TSC22D3: variants seen among roughly 807,000 people sequenced by gnomAD.
TSC22D3 encodes TSC22 domain family protein 3.
In TSC22D3, 4 loss-of-function variants were observed where a neutral mutation model predicts 11.1. The observed-to-expected ratio is 0.36, with a 90% CI of 0.18 to 0.83. The LOEUF is 0.83. Ranked by LOEUF, TSC22D3 falls within the 40% of genes least tolerant of loss-of-function variation. TSC22D3 has a pLI of 0.48. For synonymous variants in TSC22D3, 77 were observed against 70.3 expected (o/e 1.10, Z -0.48); for missense variants, 118 against 159.4 (o/e 0.74, Z 1.40).
Position 107,717,711 on chromosome X carries a change from T to A in TSC22D3, c.321-1761A>T, listed in dbSNP as rs1342902089. ...GCACAGGTCCATGCTAATCTACAGA[T>A]GCATATGTATGGAGGAGAGGGTGTC... On this transcript the variant is annotated intron_variant, in intron 1 of 2. Coordinates refer to ENST00000372383, the MANE Select transcript of TSC22D3 (RefSeq NM_198057.3). Among the ~76,000 whole-genome samples the A allele has an allele frequency of 2.7e-5, 3 of 111,948 alleles. No individual in the cohort carries two copies. In the East Asian group the frequency reaches 8.4e-4, roughly 31 times the overall value.
chrX:107,726,093 C>G (rs1311986158), intron 1 of TSC22D3, among the ~76,000 whole-genome samples: 1 of 110,555 alleles, frequency 9.0e-6, no homozygotes, highest in East Asian at 2.8e-4. Flanking sequence ...CACCCTGATC[C>G]AAGCCTGGAA....
At chrX:107,724,522 C>T (rs1454540541) in intron 1 of TSC22D3, among the ~76,000 whole-genome samples, 3 of 113,407 alleles carry the variant, frequency 2.6e-5, no homozygotes, top group Admixed American at 9.2e-5. Flanking sequence ...GTGGGGCATC[C>T]GCCCCCCTTC....
chrX:107,744,518 A>C (rs1241918358), intron 1 of TSC22D3, among the ~76,000 whole-genome samples: 1 of 111,893 alleles, frequency 8.9e-6, no homozygotes, highest in Non-Finnish European at 1.9e-5. Context: ...ATTAAAAAAA[A>C]GCTCAGCATC....
At chrX:107,772,034 C>T (rs12388388) in intron 1 of TSC22D3, among the ~76,000 whole-genome samples, 12,617 of 112,224 alleles carry the variant, frequency 0.11, 1,730 homozygotes, top group African/African-American at 0.39. Context: ...GGCTGTATAA[C>T]TAAAAGCCAA....
chrX:107,774,752 G>A (rs1930057090), intron 1 of TSC22D3: 1 of 246,453 alleles, frequency 4.1e-6, no homozygotes, highest in African/African-American at 2.8e-5. Context: ...TGGAACTCAA[G>A]AAGACCCCAT....
intron 1 of TSC22D3, among the ~76,000 whole-genome samples, chrX:107,769,715 T>TCACACACACACACA (rs748668681): frequency 1.2e-3 from 124 of 101,517 alleles, no homozygotes; most frequent in African/African-American, 4.3e-3. Flanking sequence ...TCTTTCTCTT[T>TCACACACACACACA]CACACACACA....
At chrX:107,715,858 G>C (rs1460376836) in intron 2 of TSC22D3, 41 bp downstream of exon 2, 2 of 1,199,161 alleles carry the variant, frequency 1.7e-6, no homozygotes, top group African/African-American at 3.5e-5. Flanking sequence ...ATAAGCAGCA[G>C]CTAAGTCAGG....
intron 1 of TSC22D3, among the ~76,000 whole-genome samples, chrX:107,772,047 G>C (rs1929928309): frequency 8.9e-6 from 1 of 112,485 alleles, no homozygotes; most frequent in South Asian, 3.7e-4. Flanking sequence ...AAAGCCAAGG[G>C]AAAACCAAGC....
At chrX:107,717,583 C>T (rs1440205028) in intron 1 of TSC22D3, among the ~76,000 whole-genome samples, 1 of 112,752 alleles carries the variant, frequency 8.9e-6, no homozygotes, top group Non-Finnish European at 1.9e-5. Context: ...CTGCCCTGAA[C>T]CCCAGCACTC....
At chrX:107,742,040 T>G (rs1928421807) in intron 1 of TSC22D3, among the ~76,000 whole-genome samples, 1 of 110,425 alleles carries the variant, frequency 9.1e-6, no homozygotes. Context: ...CCTTGCTTTG[T>G]TTTCTTTCTT....
intron 1 of TSC22D3, among the ~76,000 whole-genome samples, chrX:107,717,657 T>C (rs192868315): frequency 6.7e-4 from 75 of 112,682 alleles, no homozygotes; most frequent in South Asian, 2.2e-3. Context: ...CCGGCACATG[T>C]ACAGATCTGT....
chrX:107,741,871 A>G (rs760610671), intron 1 of TSC22D3, among the ~76,000 whole-genome samples: 15 of 111,115 alleles, frequency 1.3e-4, no homozygotes, highest in Non-Finnish European at 2.8e-4. Flanking sequence ...GAAAAGGAGA[A>G]GGAGAGACTG....
At chrX:107,751,355 C>T (rs922000070) in intron 1 of TSC22D3, among the ~76,000 whole-genome samples, 7 of 111,212 alleles carry the variant, frequency 6.3e-5, no homozygotes, top group Admixed American at 3.8e-4. Context: ...GTACAGACAC[C>T]GGGAAGGAGG....
At chrX:107,719,213 G>A (rs1927210190) in intron 1 of TSC22D3, among the ~76,000 whole-genome samples, 2 of 111,813 alleles carry the variant, frequency 1.8e-5, no homozygotes, top group Admixed American at 9.5e-5. Context: ...CCTTCAAGAG[G>A]GACTCCCTTA....
At chrX:107,715,628 A>T (rs1926971331) in intron 2 of TSC22D3, 1 of 411,240 alleles carries the variant, frequency 2.4e-6, no homozygotes, top group Non-Finnish European at 4.3e-6. Context: ...TCCCTGCCCA[A>T]CAACAGGCCC....
In TSC22D3 at chrX:107,775,567, A is replaced by C; in HGVS notation, c.-148T>G. The C allele has an allele frequency of 2.2e-6, 1 of 457,354 alleles. No homozygotes were observed. The highest frequency in any genetic ancestry group is 3.7e-6 in the Non-Finnish European group (1 of 273,725). The allele number at this position is 457,354 out of a possible 1,213,427, so 37.7% of individuals were successfully genotyped here. A position where few individuals can be genotyped will look rare whatever the true frequency, so the allele number is the denominator to read the frequency against. On this transcript the variant is annotated 5_prime_UTR_variant, in exon 1 of 3. Coordinates refer to ENST00000372383, the MANE Select transcript of TSC22D3 (RefSeq NM_198057.3). ...TGGAAATTAGCGCCTAAAGCCAGCCACCTTCGGCTCGGCCCCCTTCTGGCT... is the reference window on the plus strand; with the variant it reads ...TGGAAATTAGCGCCTAAAGCCAGCCCCCTTCGGCTCGGCCCCCTTCTGGCT...
intron 1 of TSC22D3, among the ~76,000 whole-genome samples, chrX:107,718,148 A>C (rs908295531): frequency 1.3e-4 from 15 of 112,053 alleles, no homozygotes; most frequent in Non-Finnish European, 2.3e-4. Context: ...TTTCCATTAA[A>C]ATATATCTTA....
intron 1 of TSC22D3, among the ~76,000 whole-genome samples, chrX:107,721,675 G>T (rs1927335431): frequency 8.9e-6 from 1 of 112,112 alleles, no homozygotes; most frequent in South Asian, 3.7e-4. Context: ...CATGATGCGA[G>T]AGGTGCGGGA....
chrX:107,727,415 C>T (rs1389317556), intron 1 of TSC22D3, among the ~76,000 whole-genome samples: 2 of 112,390 alleles, frequency 1.8e-5, no homozygotes, highest in South Asian at 3.7e-4. Context: ...AGATCCGCAT[C>T]CCTGAAATGG....
Sources: allele counts gnomAD v4.1 joint callset (sites outside exome capture counted in the v4.1 genomes callset), GRCh38; gene constraint gnomAD v4.1.1; transcripts MANE v1.5; gene names NCBI Gene and HGNC (gene_info 2026-07-23, HGNC 2026-07-21).